Variants in MYH11 observed in about 807,000 individuals in gnomAD.
MYH11 encodes the protein myosin heavy chain 11.
In MYH11, 80 loss-of-function variants were observed where a neutral mutation model predicts 246.6. The observed-to-expected ratio is 0.32, with a 90% CI of 0.27 to 0.39. The LOEUF (loss-of-function observed/expected upper bound fraction) is 0.39. Ranked by LOEUF, MYH11 falls within the 10% of genes least tolerant of loss-of-function variation. MYH11 has a pLI of 1.00. For missense variants in MYH11, 2,158 were observed against 2,546.8 expected, an observed-to-expected ratio of 0.85 and a Z score of 3.29; for synonymous variants, 1,071 against 1,015.5, an observed-to-expected ratio of 1.05 and a Z score of -1.04.
Position 15,703,925 on chromosome 16 carries a change from GTT to G in MYH11, c.*64_*65del, listed in dbSNP as rs5815842. ...TTGCTTTGTTCTGGGTTGTTGTTGG[GTT>G]TTTTTTGTTTGTTTGTTTTGGTTTT... is the stretch of plus-strand genomic sequence containing the variant. On this transcript the variant is annotated 3_prime_UTR_variant, in exon 41 of 41. Transcript: ENST00000300036. 4.4e-6 allele frequency: 7 copies of G among 1,606,350 alleles called. No individual in the cohort carries two copies. The African/African-American group carries it at 5.4e-5, about 12-fold the overall frequency.
At chr16:15,741,313 G>C in intron 22 of MYH11, 150 bp downstream of exon 22, 1 of 865,638 alleles carries the variant, frequency 1.2e-6, no homozygotes, top group Non-Finnish European at 1.9e-6. Flanking sequence ...TCCCAGCTGT[G>C]TGGCCTTGAT....
chr16:15,735,077 G>A (rs1028363022), intron 26 of MYH11, among the ~76,000 whole-genome samples: 4 of 151,786 alleles, frequency 2.6e-5, no homozygotes, highest in African/African-American at 9.7e-5. Context: ...TACTCAGGAG[G>A]CTGAGGCATG....
At chr16:15,786,499 G>T in intron 5 of MYH11, 131 bp downstream of exon 5, 1 of 908,988 alleles carries the variant, frequency 1.1e-6, no homozygotes, top group South Asian at 1.3e-5. Context: ...GTCCCTCTTT[G>T]AGTCTTCAGG....
intron 38 of MYH11, among the ~76,000 whole-genome samples, chr16:15,715,645 G>T (rs1424045189): frequency 1.3e-5 from 2 of 152,074 alleles, no homozygotes; most frequent in East Asian, 3.9e-4. Flanking sequence ...GCGGGGAGGA[G>T]GCAAGGTCTT....
chr16:15,772,474 T>G (rs914478836), intron 8 of MYH11, among the ~76,000 whole-genome samples: 1 of 152,164 alleles, frequency 6.6e-6, no homozygotes, highest in Non-Finnish European at 1.5e-5. Context: ...AGGTTTATAA[T>G]GAAAAATAGC....
Position 15,750,072 on chromosome 16 carries a change from G to T in MYH11, c.2058+66C>A. 6.3e-7 allele frequency: 1 copy of T among 1,597,558 alleles called. No individual in the cohort carries two copies. The highest frequency in any genetic ancestry group is 8.6e-7 in the Non-Finnish European group (1 of 1,167,888). On this transcript the variant is annotated intron_variant, in intron 16 of 40. Coordinates refer to ENST00000300036, the MANE Select transcript of MYH11 (RefSeq NM_002474.3). This position sits in a 1 kb window ranked among gnomAD's most constrained non-coding sequence, Gnocchi z 4.3. The stretch of plus-strand genomic sequence containing the variant: ...AGGTGGGGGCAGAGGGCGCCCTGGG[G>T]ACGCTGTGACCGCTTGGGACAGCCC...
intron 1 of MYH11, among the ~76,000 whole-genome samples, chr16:15,853,489 C>T (rs1229857371): frequency 6.6e-6 from 1 of 152,124 alleles, no homozygotes; most frequent in East Asian, 1.9e-4. Flanking sequence ...TGAGGTTGTT[C>T]CTCCTTAGCC....
Position 15,717,225 on chromosome 16 carries a change from C to A in MYH11, c.5419G>T (p.Ala1807Ser), listed in dbSNP as rs985865728. ...GTGGACTTGAACTTGGACTTGACGG[C>A]CCCCTCCATCTCGTGGAGCTTGCTC... is the stretch of plus-strand genomic sequence containing the variant. ...LRSKLHEMEG[A>S]VKSKFKSTIA... Residue 1807 changes from alanine (A) to serine (S), a missense_variant, in exon 38 of 41, where the codon GCC becomes TCC. Ala to Ser is a moderately conservative substitution (Grantham distance 99). Transcript: ENST00000300036. 2 of 1,614,010 alleles carry A rather than the reference C, an allele frequency of 1.2e-6. No homozygotes were observed. Among genetic ancestry groups the A allele is most frequent in the East Asian group, 2.2e-5 (1 of 44,896 alleles).
At chr16:15,779,059 CAT>C (rs1267649149) in intron 6 of MYH11, 11 of 650,248 alleles carry the variant, frequency 1.7e-5, no homozygotes, top group East Asian at 2.7e-5. Flanking sequence ...ACGTGTAAAA[CAT>C]GTTCACAGAT....
At chr16:15,763,741 T>TGGGGGGGCCCCCCCCCCCCCCCCCC in intron 10 of MYH11, 55 bp downstream of exon 10, 1 of 646,862 alleles carries the variant, frequency 1.5e-6, no homozygotes, top group Non-Finnish European at 2.9e-6. Context: ...AAATGTCACC[T>TGGGGGGGCCCCCCCCCCCCCCCCCC]CCCCCACCCC....
intron 20 of MYH11, among the ~76,000 whole-genome samples, chr16:15,743,840 T>C (rs2041343704): frequency 2.0e-5 from 3 of 152,182 alleles, no homozygotes; most frequent in Non-Finnish European, 4.4e-5. Context: ...CACCAGTGGA[T>C]ACACTCAAGG....
At chr16:15,707,947 G>A (rs529770561) in intron 40 of MYH11, among the ~76,000 whole-genome samples, 10 of 135,254 alleles carry the variant, frequency 7.4e-5, no homozygotes, top group African/African-American at 1.1e-4. Context: ...ACTCCAGAGC[G>A]AGACTCCGTC....
chr16:15,840,187 A>T (rs2044018058), intron 1 of MYH11, among the ~76,000 whole-genome samples: 1 of 152,234 alleles, frequency 6.6e-6, no homozygotes, highest in Non-Finnish European at 1.5e-5. Context: ...GGTGGTGCTT[A>T]CAAGACTGTA....
chr16:15,854,539 C>T (rs533317047), intron 1 of MYH11, among the ~76,000 whole-genome samples: 7 of 152,216 alleles, frequency 4.6e-5, no homozygotes, highest in East Asian at 1.9e-4. Flanking sequence ...GTTATGAAGA[C>T]GTAAGATAAT....
chr16:15,766,923 G>A (rs2041995815), intron 9 of MYH11, among the ~76,000 whole-genome samples: 1 of 152,198 alleles, frequency 6.6e-6, no homozygotes, highest in African/African-American at 2.4e-5. Flanking sequence ...ATCCTGGTGT[G>A]CTGGTGCAAA....
At position 15,757,826 on chromosome 16, in the gene MYH11, C is replaced by A; in HGVS notation, c.1575+1G>T. 6.2e-7 allele frequency: 1 copy of A among 1,614,220 alleles called. No individual in the cohort carries two copies. The highest frequency in any genetic ancestry group is 8.5e-7 in the Non-Finnish European group (1 of 1,180,038). On this transcript the variant is annotated splice_donor_variant, in intron 13 of 40. Transcript: ENST00000300036. LOFTEE classifies it high-confidence loss of function. ...GCCCCGCACGCCCACGTGCCCCTCA[C>A]CGGTCGCTCGATGAGCTCGATGCAG...
intron 1 of MYH11, among the ~76,000 whole-genome samples, chr16:15,849,412 T>C (rs2151392955): frequency 6.6e-6 from 1 of 152,274 alleles, no homozygotes; most frequent in South Asian, 2.1e-4. Flanking sequence ...TGTGTCAGCC[T>C]TGTTTACAGT....
intron 1 of MYH11, among the ~76,000 whole-genome samples, chr16:15,846,977 A>T (rs575483835): frequency 5.9e-5 from 9 of 152,178 alleles, no homozygotes; most frequent in African/African-American, 2.2e-4. Context: ...CCTCTTGAAA[A>T]TTCATCAAGC....
chr16:15,790,385 T>C (rs2042581037), intron 4 of MYH11, among the ~76,000 whole-genome samples: 1 of 150,686 alleles, frequency 6.6e-6, no homozygotes, highest in Non-Finnish European at 1.5e-5. Context: ...GTGGCTATGG[T>C]CTCCCACTTT....
Sources: gnomAD v4.1 joint callset for allele counts (sites outside exome capture counted in the v4.1 genomes callset) on GRCh38, gnomAD v4.1.1 for gene constraint, Gnocchi (gnomAD v3.1) non-coding constraint, MANE v1.5 for transcripts, NCBI Gene and HGNC (gene_info 2026-07-23, HGNC 2026-07-21) for gene names.